SORCS2: variants seen among roughly 807,000 people sequenced by gnomAD.
The protein encoded by SORCS2 is sortilin related VPS10 domain containing receptor 2.
Under a neutral mutation model 141.6 loss-of-function variants are expected in SORCS2, and 100 were observed. The ratio of observed to expected loss-of-function variants is 0.71; its 90% CI spans 0.60 to 0.83. The LOEUF is 0.83. Among genes scored for constraint, SORCS2 ranks in the 40% least tolerant of loss-of-function variants. The pLI is 0.00. For synonymous variants in SORCS2, 789 were observed against 676.9 expected (o/e 1.17, Z -2.57); for missense variants, 1,646 against 1,560.2 (o/e 1.05, Z -0.93).
intron 2 of SORCS2, among the ~76,000 whole-genome samples, chr4:7,428,265 AAC>A (rs1190362211): frequency 6.6e-6 from 1 of 152,226 alleles, no homozygotes; most frequent in Non-Finnish European, 1.5e-5. Context: ...CCTTGTCAGA[AAC>A]ACACAACCGC....
Position 7,275,667 on chromosome 4 carries a change from T to C in SORCS2, c.480+82541T>C, listed in dbSNP as rs759364209. ...AGAATTTCTTCCCCTGGTGATTTTA[T>C]GCTTCTGTTGTCCTGTGGTCCAGAA... On this transcript the variant is annotated intron_variant, in intron 1 of 26. Coordinates refer to ENST00000507866, the MANE Select transcript of SORCS2 (RefSeq NM_020777.3). Among the ~76,000 whole-genome samples the C allele has an allele frequency of 2.6e-5, 4 of 152,274 alleles. No homozygotes were observed. The East Asian group carries it at 7.7e-4, about 29-fold the overall frequency.
In SORCS2 at chr4:7,614,162, C is replaced by T. The variant is rs369320034; in HGVS notation, c.649-24166C>T. Reference sequence around the variant, plus strand: ...CCATCCATCCCTCTACCCATCCACCCATCCACCATCCACCCATCAATCCAT... The same window carrying T: ...CCATCCATCCCTCTACCCATCCACCTATCCACCATCCACCCATCAATCCAT... On this transcript the variant is annotated intron_variant, in intron 3 of 26. Transcript: ENST00000507866. Among the ~76,000 whole-genome samples the T allele has an allele frequency of 2.6e-3, 389 of 151,256 alleles. 2 individuals carry two copies. Among genetic ancestry groups the T allele is most frequent in the African/African-American group, 9.1e-3 (375 of 41,178 alleles).
chr4:7,434,363 A>G lies in SORCS2; in HGVS notation c.548+38008A>G. ...CCTTCAGGCGCCTGGCGGGGGTGGA[A>G]GGTAAGGGGCCCATTGGCCATGAAC... On this transcript the variant is annotated intron_variant, in intron 2 of 26. Transcript: ENST00000507866. The G allele has an allele frequency of 3.1e-6, 5 of 1,608,096 alleles. No homozygotes were observed. The South Asian group carries it at 5.5e-5, about 18-fold the overall frequency.
intron 2 of SORCS2, chr4:7,434,805 C>G: frequency 6.2e-7 from 1 of 1,608,330 alleles, no homozygotes; most frequent in Non-Finnish European, 8.5e-7. Context: ...CCTTTGCACA[C>G]TCCTGGGGGC....
At chr4:7,225,808 C>T (rs757475248) in intron 1 of SORCS2, among the ~76,000 whole-genome samples, 8 of 152,158 alleles carry the variant, frequency 5.3e-5, no homozygotes, top group African/African-American at 1.7e-4. Flanking sequence ...TTCCTTCCAG[C>T]GTGGTGTCCG....
chr4:7,221,597 C>G (rs925651057), intron 1 of SORCS2, among the ~76,000 whole-genome samples: 2 of 152,180 alleles, frequency 1.3e-5, no homozygotes, highest in African/African-American at 2.4e-5. Flanking sequence ...CAAAATCCAC[C>G]CAGCCCTTAA....
At chr4:7,650,045 C>A (rs1458047597) in intron 4 of SORCS2, among the ~76,000 whole-genome samples, 7 of 152,278 alleles carry the variant, frequency 4.6e-5, no homozygotes, top group Admixed American at 3.9e-4. Flanking sequence ...TCGGCTTGAG[C>A]CTTCCTTCCT....
chr4:7,296,742 C>A (rs540313717), intron 1 of SORCS2, among the ~76,000 whole-genome samples: 104 of 152,320 alleles, frequency 6.8e-4, no homozygotes, highest in African/African-American at 2.4e-3. Context: ...CAGCACCGGG[C>A]CTGTTCTTTG....
chr4:7,482,755 T>C (rs1469751001), intron 2 of SORCS2, among the ~76,000 whole-genome samples: 2 of 131,042 alleles, frequency 1.5e-5, no homozygotes, highest in African/African-American at 6.1e-5. Context: ...CCCCTGACGC[T>C]GTTCAGACCT....
intron 2 of SORCS2, among the ~76,000 whole-genome samples, chr4:7,403,979 ATATATATATATATATATATTTTTTTTT>A (rs1724773485): frequency 5.6e-5 from 1 of 17,884 alleles, no homozygotes; most frequent in Non-Finnish European, 1.3e-4. Flanking sequence ...ATATATATAT[ATATATATATATATATATATTTTTTTTT>A]TTTTTTTAGT....
At chr4:7,567,583 T>TA (rs1715112951) in intron 3 of SORCS2, among the ~76,000 whole-genome samples, 1 of 152,248 alleles carries the variant, frequency 6.6e-6, no homozygotes, top group Non-Finnish European at 1.5e-5. Flanking sequence ...CAACAGGACT[T>TA]ACCACTGTTG....
At chr4:7,348,146 G>A (rs1720744790) in intron 1 of SORCS2, among the ~76,000 whole-genome samples, 1 of 152,252 alleles carries the variant, frequency 6.6e-6, no homozygotes, top group Non-Finnish European at 1.5e-5. Context: ...AGGAGCCGAT[G>A]TGAGACAGGT....
intron 2 of SORCS2, among the ~76,000 whole-genome samples, chr4:7,502,330 G>A (rs1732023328): frequency 6.6e-6 from 1 of 152,258 alleles, no homozygotes. Flanking sequence ...GGTGGGGGAA[G>A]AGGATTCTGT....
intron 1 of SORCS2, among the ~76,000 whole-genome samples, chr4:7,196,164 C>T (rs1577263369): frequency 6.6e-6 from 1 of 152,224 alleles, no homozygotes; most frequent in Admixed American, 6.5e-5. Flanking sequence ...GCCTCCCTGT[C>T]TGACGTTTAG....
chr4:7,491,677 A>T (rs1731323288), intron 2 of SORCS2, among the ~76,000 whole-genome samples: 1 of 152,238 alleles, frequency 6.6e-6, no homozygotes, highest in Admixed American at 6.5e-5. Context: ...GCTTGTGGTT[A>T]TGAAACCTGT....
At chr4:7,237,789 G>A (rs1221953137) in intron 1 of SORCS2, among the ~76,000 whole-genome samples, 1 of 152,032 alleles carries the variant, frequency 6.6e-6, no homozygotes, top group Non-Finnish European at 1.5e-5. Context: ...CAGGCAGAAC[G>A]ATGGGCCCAA....
intron 1 of SORCS2, among the ~76,000 whole-genome samples, chr4:7,211,795 T>G (rs1728075019): frequency 6.6e-6 from 1 of 151,436 alleles, no homozygotes; most frequent in South Asian, 2.1e-4. Context: ...GGGGCTCCCA[T>G]GAGAGGAGAG....
chr4:7,427,251 C>T (rs1726507164), intron 2 of SORCS2, among the ~76,000 whole-genome samples: 2 of 152,120 alleles, frequency 1.3e-5, no homozygotes, highest in South Asian at 4.2e-4. Flanking sequence ...GACTCAGGCT[C>T]TGGGGGGGGC....
chr4:7,386,417 A>G (rs1257512683), intron 1 of SORCS2, among the ~76,000 whole-genome samples: 1 of 116,660 alleles, frequency 8.6e-6, no homozygotes, highest in African/African-American at 3.5e-5. Context: ...ACACACGCAC[A>G]CATGCACACA....
Sources: allele counts gnomAD v4.1 joint callset (sites outside exome capture counted in the v4.1 genomes callset), GRCh38; gene constraint gnomAD v4.1.1; transcripts MANE v1.5; gene names NCBI Gene and HGNC (gene_info 2026-07-23, HGNC 2026-07-21).